PCDH11X: variants seen among roughly 807,000 people sequenced by gnomAD.
PCDH11X encodes the protein protocadherin 11 X-linked, also known as protocadherin-11 X-linked.
A neutral mutation model predicts 53.3 loss-of-function variants in PCDH11X; 18 were observed. The observed-to-expected ratio is 0.34, with a 90% CI of 0.23 to 0.50. PCDH11X has a LOEUF of 0.50. PCDH11X is among the 20% of genes least tolerant of loss of function. PCDH11X has a pLI of 0.98. For missense variants in PCDH11X, 570 were observed against 1,032.4 expected (o/e 0.55, Z 6.14); for synonymous variants, 279 against 393.3 (o/e 0.71, Z 3.44).
chrX:92,191,552 G>T (rs1196462231), intron 6 of PCDH11X, among the ~76,000 whole-genome samples: 1 of 111,810 alleles, frequency 8.9e-6, no homozygotes, highest in Non-Finnish European at 1.9e-5. Context: ...ATTTACCAAT[G>T]GCTTAGTCTA....
chrX:92,011,255 T>G (rs1369312677), intron 6 of PCDH11X, among the ~76,000 whole-genome samples: 4 of 112,084 alleles, frequency 3.6e-5, no homozygotes, highest in Middle Eastern at 4.6e-3. Context: ...ATAGGATTGC[T>G]GGATTGAATG....
intron 4 of PCDH11X, among the ~76,000 whole-genome samples, chrX:91,832,811 G>C (rs2524435): frequency 9.1e-6 from 1 of 110,290 alleles, no homozygotes; most frequent in African/African-American, 3.3e-5. Flanking sequence ...TCATTTTGGG[G>C]GGTTATCCCA....
At chrX:91,884,677 T>C (rs1005373546) in intron 6 of PCDH11X, among the ~76,000 whole-genome samples, 13 of 107,266 alleles carry the variant, frequency 1.2e-4, no homozygotes, top group African/African-American at 4.9e-4. Flanking sequence ...GTTCCAATTT[T>C]ATGCTATATT....
intron 6 of PCDH11X, among the ~76,000 whole-genome samples, chrX:91,888,524 G>A (rs1200612020): frequency 1.8e-5 from 2 of 109,564 alleles, no homozygotes; most frequent in Non-Finnish European, 3.8e-5. Flanking sequence ...GTTTGGTGGT[G>A]CATATCTGTG....
rs1468607344 is a variant in PCDH11X at position 92,403,329 on chromosome X, GTTTTTTTTTGTTTT to G, written c.3343+15406_3343+15419del. Among the ~76,000 whole-genome samples, 355 of 58,795 alleles carry G rather than the reference GTTTTTTTTTGTTTT, an allele frequency of 6.0e-3. 6 individuals carry two copies. Among genetic ancestry groups the G allele is most frequent in the African/African-American group, 0.023 (299 of 12,792 alleles). 51.1% of individuals were successfully genotyped at this position (58,795 alleles called of 115,157 possible). ...CTGGGATATGTGTCCGGGCATTTAC[GTTTTTTTTTGTTTT>G]TTTTTTTTTTTTTTTTTGTAGAATG... On this transcript the variant is annotated intron_variant, in intron 9 of 10. Coordinates refer to ENST00000682573, the MANE Select transcript of PCDH11X (RefSeq NM_032968.5).
intron 7 of PCDH11X, among the ~76,000 whole-genome samples, chrX:92,209,867 C>T (rs1287733951): frequency 2.7e-5 from 3 of 112,458 alleles, no homozygotes; most frequent in Non-Finnish European, 5.6e-5. Flanking sequence ...CCAAGCCTCA[C>T]CTCTTGCCCT....
chrX:92,416,604 G>C (rs2071818010), intron 9 of PCDH11X, among the ~76,000 whole-genome samples: 1 of 110,223 alleles, frequency 9.1e-6, no homozygotes, highest in Admixed American at 9.7e-5. Flanking sequence ...TAGAGAAGTG[G>C]AGTTAAAATA....
intron 6 of PCDH11X, among the ~76,000 whole-genome samples, chrX:92,132,635 GTATATATATATATATA>G (rs796606879): frequency 1.6e-5 from 1 of 61,852 alleles, no homozygotes; most frequent in East Asian, 4.5e-4. Flanking sequence ...ATATATATAT[GTATATATATATATATA>G]TATATGTATA....
At chrX:92,548,357 G>C (rs1314576993) in intron 10 of PCDH11X, among the ~76,000 whole-genome samples, 2 of 110,650 alleles carry the variant, frequency 1.8e-5, no homozygotes, top group Non-Finnish European at 3.8e-5. Flanking sequence ...TTTTTCTAGA[G>C]ACAGGGTTTC....
chrX:92,391,873 A>T (rs2522602), intron 9 of PCDH11X, among the ~76,000 whole-genome samples: 4,782 of 111,357 alleles, frequency 0.043, 233 homozygotes, highest in African/African-American at 0.13. Context: ...AGATAAATGG[A>T]GAAATAGAGT....
intron 6 of PCDH11X, among the ~76,000 whole-genome samples, chrX:91,971,349 C>G (rs1396742430): frequency 4.6e-5 from 5 of 108,461 alleles, no homozygotes; most frequent in Non-Finnish European, 9.6e-5. Context: ...GAAAAGGACA[C>G]TTGACTCTTG....
At chrX:91,825,722 A>G (rs1360129547) in intron 4 of PCDH11X, among the ~76,000 whole-genome samples, 1 of 108,056 alleles carries the variant, frequency 9.3e-6, no homozygotes, top group Non-Finnish European at 1.9e-5. Context: ...TTTCTTAAGC[A>G]CTTACTGTGT....
chrX:92,001,995 T>A (rs1451155023), intron 6 of PCDH11X, among the ~76,000 whole-genome samples: 1 of 102,341 alleles, frequency 9.8e-6, no homozygotes, highest in Admixed American at 1.1e-4. Context: ...ATCCTGGAGA[T>A]TTTTTCAGTG....
At chrX:92,147,806 C>CCTTTCTTTT (rs1186006201) in intron 6 of PCDH11X, among the ~76,000 whole-genome samples, 6 of 65,272 alleles carry the variant, frequency 9.2e-5, no homozygotes, top group African/African-American at 3.9e-4. Context: ...TTCTTTTCTT[C>CCTTTCTTTT]CTTCCTTTCT....
intron 6 of PCDH11X, among the ~76,000 whole-genome samples, chrX:92,081,059 A>G (rs2063848511): frequency 9.0e-6 from 1 of 111,113 alleles, no homozygotes; most frequent in Non-Finnish European, 1.9e-5. Flanking sequence ...CTTTAGTTCA[A>G]AATAATTCTT....
At chrX:92,233,248 G>A (rs2067114904) in intron 7 of PCDH11X, among the ~76,000 whole-genome samples, 1 of 109,721 alleles carries the variant, frequency 9.1e-6, no homozygotes, top group African/African-American at 3.3e-5. Context: ...TTATCCTATT[G>A]TCATACTTAG....
intron 9 of PCDH11X, among the ~76,000 whole-genome samples, chrX:92,399,393 C>T (rs1310677229): frequency 2.7e-5 from 3 of 110,078 alleles, no homozygotes; most frequent in Non-Finnish European, 5.7e-5. Flanking sequence ...TAGCAAAGTT[C>T]TAACAAATGT....
chrX:91,897,991 A>G (rs1384872736), intron 6 of PCDH11X, among the ~76,000 whole-genome samples: 3 of 111,748 alleles, frequency 2.7e-5, no homozygotes, highest in African/African-American at 9.8e-5. Flanking sequence ...TTTTTTTCCA[A>G]ATCTGGATTT....
chrX:92,031,863 G>A (rs2063055677), intron 6 of PCDH11X, among the ~76,000 whole-genome samples: 1 of 111,741 alleles, frequency 8.9e-6, no homozygotes, highest in African/African-American at 3.3e-5. Context: ...TAATGTCAGT[G>A]CATGCCATTT....
Sources: gnomAD v4.1 joint callset for allele counts (sites outside exome capture counted in the v4.1 genomes callset) on GRCh38, gnomAD v4.1.1 for gene constraint, MANE v1.5 for transcripts, NCBI Gene and HGNC (gene_info 2026-07-23, HGNC 2026-07-21) for gene names.